Variants in METTL8 observed in about 807,000 individuals in gnomAD.
The protein encoded by METTL8 is methyltransferase 8, tRNA N3-cytidine, also known as tRNA N(3)-cytidine methyltransferase METTL8, mitochondrial.
In METTL8, 32 loss-of-function variants were observed where a neutral mutation model predicts 48.7. The observed-to-expected ratio is 0.66, with a 90% CI of 0.50 to 0.88. The LOEUF (loss-of-function observed/expected upper bound fraction) is 0.88, where lower values mean the gene tolerates loss of function less well. Ranked by LOEUF, METTL8 falls within the 40% of genes least tolerant of loss-of-function variation. The pLI is 0.00. For missense variants in METTL8, 464 were observed against 474.4 expected (o/e 0.98, Z 0.20); for synonymous variants, 136 against 157.1 (o/e 0.87, Z 1.01).
intron 2 of METTL8, among the ~76,000 whole-genome samples, chr2:171,364,994 C>A (rs1419639545): frequency 6.6e-6 from 1 of 152,046 alleles, no homozygotes; most frequent in African/African-American, 2.4e-5. Context: ...TTACTTTCAG[C>A]CTAAAACGAT....
At chr2:171,422,618 GAA>G (rs538265506) in intron 1 of METTL8, among the ~76,000 whole-genome samples, 12 of 152,104 alleles carry the variant, frequency 7.9e-5, no homozygotes, top group African/African-American at 2.9e-4. Context: ...AACTCAAGAA[GAA>G]AAAGACACAC....
At chr2:171,347,000 T>C (rs773758197) in intron 3 of METTL8, among the ~76,000 whole-genome samples, 62 of 152,228 alleles carry the variant, frequency 4.1e-4, no homozygotes, top group Non-Finnish European at 5.6e-4. Context: ...GTTATTGCTC[T>C]GTGTGCCCTT....
chr2:171,343,378 G>A (rs1418327563), intron 3 of METTL8, among the ~76,000 whole-genome samples: 4 of 152,102 alleles, frequency 2.6e-5, no homozygotes, highest in Admixed American at 2.6e-4. Flanking sequence ...GGCGGAGGTT[G>A]CGGTGAGCTG....
chr2:171,350,301 T>C (rs1334047685), intron 3 of METTL8, among the ~76,000 whole-genome samples: 1 of 152,228 alleles, frequency 6.6e-6, no homozygotes, highest in African/African-American at 2.4e-5. Flanking sequence ...CTCATCCTTT[T>C]TTATAGCTGC....
intron 1 of METTL8, among the ~76,000 whole-genome samples, chr2:171,420,456 A>G (rs1691759942): frequency 6.6e-6 from 1 of 152,224 alleles, no homozygotes; most frequent in South Asian, 2.1e-4. Flanking sequence ...CTAAAAGTAT[A>G]ATAAAGTGGA....
intron 3 of METTL8, among the ~76,000 whole-genome samples, chr2:171,344,986 T>C (rs967818483): frequency 2.0e-5 from 3 of 152,188 alleles, no homozygotes; most frequent in Non-Finnish European, 4.4e-5. Flanking sequence ...TAAAATAATA[T>C]AGCGTGGAGA....
intron 1 of METTL8, among the ~76,000 whole-genome samples, chr2:171,426,016 G>A (rs751353179): frequency 6.6e-6 from 1 of 152,076 alleles, no homozygotes; most frequent in Non-Finnish European, 1.5e-5. Flanking sequence ...AATTAGCCGG[G>A]CATGGTGGTG....
At chr2:171,434,076 C>T, upstream of METTL8, 1 of 312,150 alleles carries the variant, frequency 3.2e-6, no homozygotes, top group South Asian at 2.5e-5. Flanking sequence ...GCCCCCAGGG[C>T]TCTGCCCAGC....
intron 6 of METTL8, 23 bp downstream of exon 6, chr2:171,331,781 T>C (rs758363452): frequency 3.8e-6 from 6 of 1,576,758 alleles, no homozygotes; most frequent in Non-Finnish European, 5.2e-6. Flanking sequence ...CATCAGTTGG[T>C]ATGATTCCCA....
intron 2 of METTL8, among the ~76,000 whole-genome samples, chr2:171,377,911 AAAAAAACAAAACAAAACAAAAC>A (rs1175940717): frequency 6.6e-6 from 1 of 152,196 alleles, no homozygotes; most frequent in Non-Finnish European, 1.5e-5. Context: ...AATTATATGG[AAAAAAACAAAACAAAACAAAAC>A]AAAAAACACA....
At chr2:171,401,383 G>T (rs184804194) in intron 1 of METTL8, among the ~76,000 whole-genome samples, 18 of 152,220 alleles carry the variant, frequency 1.2e-4, no homozygotes, top group South Asian at 2.1e-4. Flanking sequence ...TTCTTTGGAT[G>T]ATTATAATTT....
intron 1 of METTL8, among the ~76,000 whole-genome samples, chr2:171,418,999 G>A (rs1339748111): frequency 6.0e-5 from 9 of 150,742 alleles, no homozygotes; most frequent in Admixed American, 2.0e-4. Context: ...GTCACGCAGC[G>A]TGACAGAGTG....
intron 1 of METTL8, among the ~76,000 whole-genome samples, chr2:171,402,901 T>G (rs1689785378): frequency 6.6e-6 from 1 of 152,094 alleles, no homozygotes; most frequent in Non-Finnish European, 1.5e-5. Context: ...AGGAGCCAAC[T>G]GAACGTGTAG....
At chr2:171,384,632 C>A (rs2105541002) in intron 2 of METTL8, among the ~76,000 whole-genome samples, 1 of 152,116 alleles carries the variant, frequency 6.6e-6, no homozygotes, top group Non-Finnish European at 1.5e-5. Context: ...GAGTTCCAGA[C>A]CAGTCTGGGC....
At chr2:171,386,936 C>G (rs1688112821) in intron 2 of METTL8, among the ~76,000 whole-genome samples, 1 of 152,130 alleles carries the variant, frequency 6.6e-6, no homozygotes, top group Non-Finnish European at 1.5e-5. Context: ...AGCAGAACGA[C>G]ATTTGGCTAG....
intron 2 of METTL8, among the ~76,000 whole-genome samples, chr2:171,381,449 T>G (rs66492942): frequency 0.14 from 21,184 of 152,046 alleles, 1,974 homozygotes; most frequent in Non-Finnish European, 0.2. Context: ...CCAAAGAAAT[T>G]AGCATCAAAG....
At chr2:171,355,325 T>C (rs1453565571) in intron 3 of METTL8, among the ~76,000 whole-genome samples, 3 of 152,346 alleles carry the variant, frequency 2.0e-5, no homozygotes, top group Middle Eastern at 6.8e-3. Flanking sequence ...ATCGTTCCTC[T>C]GGAAGCTTCG....
intron 2 of METTL8, among the ~76,000 whole-genome samples, chr2:171,388,741 T>C (rs966672739): frequency 6.6e-6 from 1 of 152,250 alleles, no homozygotes; most frequent in African/African-American, 2.4e-5. Context: ...TTGGCACCAT[T>C]TCTCCAACAG....
chr2:171,397,309 A>G (rs1689166597), intron 1 of METTL8, among the ~76,000 whole-genome samples: 1 of 144,716 alleles, frequency 6.9e-6, no homozygotes, highest in Non-Finnish European at 1.5e-5. Context: ...CTTGAGGCCA[A>G]GACTTTGAGA....
Sources: gnomAD v4.1 joint callset for allele counts (sites outside exome capture counted in the v4.1 genomes callset) on GRCh38, gnomAD v4.1.1 for gene constraint, MANE v1.5 for transcripts, NCBI Gene and HGNC (gene_info 2026-07-23, HGNC 2026-07-21) for gene names.